UNC5D: variants seen among roughly 807,000 people sequenced by gnomAD.
UNC5D encodes the protein netrin receptor UNC5D.
A neutral mutation model predicts 105.4 loss-of-function variants in UNC5D; 39 were observed. The ratio of observed to expected loss-of-function variants is 0.37; its 90% CI spans 0.29 to 0.48. The LOEUF (loss-of-function observed/expected upper bound fraction) is 0.48. Among genes scored for constraint, UNC5D ranks in the 20% least tolerant of loss-of-function variants. UNC5D has a pLI of 0.98. For missense variants in UNC5D, 991 were observed against 1,202.4 expected, an observed-to-expected ratio of 0.82 and a Z score of 2.60; for synonymous variants, 452 against 450.4, an observed-to-expected ratio of 1.00 and a Z score of -0.04.
intron 1 of UNC5D, among the ~76,000 whole-genome samples, chr8:35,541,762 G>C (rs1815293359): frequency 1.3e-5 from 2 of 152,086 alleles, no homozygotes; most frequent in African/African-American, 4.8e-5. Flanking sequence ...GTGAGCTCCT[G>C]GCAGAAAGTA....
intron 1 of UNC5D, among the ~76,000 whole-genome samples, chr8:35,390,489 GAA>G (rs71541898): frequency 6.7e-6 from 1 of 149,238 alleles, no homozygotes; most frequent in Non-Finnish European, 1.5e-5. Context: ...TACAATAGCA[GAA>G]AAAAAAAATA....
intron 1 of UNC5D, among the ~76,000 whole-genome samples, chr8:35,399,312 T>G (rs6993456): frequency 0.049 from 7,510 of 152,194 alleles, 212 homozygotes; most frequent in African/African-American, 0.073. Context: ...CATTTCCTAG[T>G]CCTTTGAGTG....
intron 10 of UNC5D, among the ~76,000 whole-genome samples, chr8:35,730,692 T>C (rs1182924481): frequency 6.6e-6 from 1 of 152,174 alleles, no homozygotes. Context: ...GGATAAACTC[T>C]TGCATTCTCA....
intron 1 of UNC5D, among the ~76,000 whole-genome samples, chr8:35,406,222 A>G (rs1037765128): frequency 2.0e-5 from 3 of 152,204 alleles, no homozygotes; most frequent in Non-Finnish European, 4.4e-5. Context: ...CTTTAATAAC[A>G]TATGTTGAAT....
intron 1 of UNC5D, among the ~76,000 whole-genome samples, chr8:35,540,416 C>CCCTTTATA (rs1406183553): frequency 6.6e-6 from 1 of 150,408 alleles, no homozygotes; most frequent in Non-Finnish European, 1.5e-5. Context: ...GTTTATGAAG[C>CCCTTTATA]CCTTTATATT....
intron 1 of UNC5D, among the ~76,000 whole-genome samples, chr8:35,427,301 G>A (rs1038818026): frequency 1.3e-5 from 2 of 152,296 alleles, no homozygotes; most frequent in South Asian, 4.1e-4. Context: ...GCACATAGGT[G>A]AGTAGACACA....
chr8:35,679,646 G>T (rs1438639180), intron 4 of UNC5D, among the ~76,000 whole-genome samples: 1 of 152,146 alleles, frequency 6.6e-6, no homozygotes, highest in Non-Finnish European at 1.5e-5. Context: ...TCTCAAGCTA[G>T]AAAGTGGCGT....
intron 1 of UNC5D, among the ~76,000 whole-genome samples, chr8:35,404,878 C>T (rs1441829733): frequency 6.6e-6 from 1 of 152,122 alleles, no homozygotes; most frequent in Non-Finnish European, 1.5e-5. Context: ...GAGTGAGCCA[C>T]CGCGCCTGGG....
At chr8:35,481,997 G>A (rs1810513092) in intron 1 of UNC5D, among the ~76,000 whole-genome samples, 1 of 152,150 alleles carries the variant, frequency 6.6e-6, no homozygotes, top group Non-Finnish European at 1.5e-5. Context: ...GAAATTGCAT[G>A]TGAAGTGTGA....
At chr8:35,563,936 G>A (rs982261508) in intron 2 of UNC5D, among the ~76,000 whole-genome samples, 2 of 151,998 alleles carry the variant, frequency 1.3e-5, no homozygotes, top group African/African-American at 4.8e-5. Flanking sequence ...ATATGTTGAA[G>A]TGTCCTCACC....
chr8:35,764,385 C>T (rs1484193899), intron 14 of UNC5D, among the ~76,000 whole-genome samples: 2 of 152,008 alleles, frequency 1.3e-5, no homozygotes, highest in African/African-American at 2.4e-5. Context: ...TTGAACAGTA[C>T]AGTAGGCAGA....
At chr8:35,628,645 T>TTAGG (rs1466837977) in intron 4 of UNC5D, among the ~76,000 whole-genome samples, 3 of 152,188 alleles carry the variant, frequency 2.0e-5, no homozygotes, top group African/African-American at 7.2e-5. Context: ...CAGAAATGGA[T>TTAGG]TAGGTATTAA....
chr8:35,270,428 A>T (rs942873353), intron 1 of UNC5D, among the ~76,000 whole-genome samples: 1 of 152,184 alleles, frequency 6.6e-6, no homozygotes, highest in Admixed American at 6.5e-5. Flanking sequence ...CGATTGTCTC[A>T]GGAGACGAGC....
At chr8:35,360,847 G>A (rs1224645497) in intron 1 of UNC5D, among the ~76,000 whole-genome samples, 2 of 152,080 alleles carry the variant, frequency 1.3e-5, no homozygotes, top group African/African-American at 4.8e-5. Context: ...CTGACAATGT[G>A]TAGTTTAAAA....
At chr8:35,640,670 A>T (rs1364344016) in intron 4 of UNC5D, among the ~76,000 whole-genome samples, 1 of 152,144 alleles carries the variant, frequency 6.6e-6, no homozygotes. Context: ...TTCAAATCAC[A>T]ATTATATTTT....
At chr8:35,538,439 A>ATATATATATATATG (rs1563514252) in intron 1 of UNC5D, among the ~76,000 whole-genome samples, 4 of 126,882 alleles carry the variant, frequency 3.2e-5, no homozygotes, top group African/African-American at 8.9e-5. Flanking sequence ...ATATATATAT[A>ATATATATATATATG]TGAATTTTAT....
At chr8:35,456,914 T>A (rs1563436567) in intron 1 of UNC5D, among the ~76,000 whole-genome samples, 3 of 152,202 alleles carry the variant, frequency 2.0e-5, no homozygotes, top group Non-Finnish European at 4.4e-5. Context: ...TAAACATGCA[T>A]CTCCCTTTTA....
At chr8:35,541,662 T>C (rs965438044) in intron 1 of UNC5D, among the ~76,000 whole-genome samples, 3 of 152,044 alleles carry the variant, frequency 2.0e-5, no homozygotes, top group Non-Finnish European at 4.4e-5. Context: ...AGTTAGGCTC[T>C]CTCCTCTGTA....
At chr8:35,685,234 C>T (rs1398015468) in intron 6 of UNC5D, among the ~76,000 whole-genome samples, 1 of 152,152 alleles carries the variant, frequency 6.6e-6, no homozygotes, top group African/African-American at 2.4e-5. Flanking sequence ...TTGATAGAGA[C>T]TGTATACTGT....
Sources: gnomAD v4.1 joint callset for allele counts (sites outside exome capture counted in the v4.1 genomes callset) on GRCh38, gnomAD v4.1.1 for gene constraint, MANE v1.5 for transcripts, NCBI Gene and HGNC (gene_info 2026-07-23, HGNC 2026-07-21) for gene names.